SEMA6D: variants seen among roughly 807,000 people sequenced by gnomAD.
SEMA6D encodes the protein semaphorin-6D.
SEMA6D carries 35 observed loss-of-function variants against 106.6 expected under a neutral mutation model. The observed-to-expected ratio is 0.33, with a 90% CI of 0.25 to 0.44. The LOEUF is 0.44. SEMA6D is among the 20% of genes least tolerant of loss of function. The pLI, the probability that SEMA6D is intolerant of heterozygous loss-of-function variation, is 1.00. For missense variants in SEMA6D, 1,185 were observed against 1,345.9 expected, an observed-to-expected ratio of 0.88 and a Z score of 1.87; for synonymous variants, 499 against 487.7, an observed-to-expected ratio of 1.02 and a Z score of -0.31.
intron 1 of SEMA6D, among the ~76,000 whole-genome samples, chr15:47,733,233 C>T (rs1008819896): frequency 1.3e-5 from 2 of 152,106 alleles, no homozygotes; most frequent in African/African-American, 4.8e-5. Flanking sequence ...TGCAAACTAC[C>T]TAAGTGGAAC....
At chr15:47,267,911 A>G (rs2034395166) in intron 1 of SEMA6D, among the ~76,000 whole-genome samples, 1 of 152,194 alleles carries the variant, frequency 6.6e-6, no homozygotes, top group South Asian at 2.1e-4. Flanking sequence ...TTAAAGAAAC[A>G]TAACTGCATC....
At chr15:47,272,469 C>A (rs368616421) in intron 1 of SEMA6D, 1 of 152,196 alleles carries the variant, frequency 6.6e-6, no homozygotes, top group East Asian at 1.9e-4. Flanking sequence ...TACAACACTT[C>A]TCTACAGTCA....
intron 4 of SEMA6D, among the ~76,000 whole-genome samples, chr15:47,630,496 A>C (rs2077274577): frequency 6.6e-6 from 1 of 151,420 alleles, no homozygotes; most frequent in Non-Finnish European, 1.5e-5. Flanking sequence ...CTTTTTATAG[A>C]TTTTTTTTGA....
At chr15:47,754,964 T>G (rs1006323727) in intron 1 of SEMA6D, among the ~76,000 whole-genome samples, 3 of 151,416 alleles carry the variant, frequency 2.0e-5, no homozygotes, top group Non-Finnish European at 4.4e-5. Flanking sequence ...TTTTTTTTTT[T>G]TTTTTGAGAT....
At chr15:47,359,015 C>G (rs1033161860) in intron 1 of SEMA6D, among the ~76,000 whole-genome samples, 12 of 151,954 alleles carry the variant, frequency 7.9e-5, no homozygotes, top group African/African-American at 1.9e-4. Context: ...CATACTTGAT[C>G]TGCTGTACTA....
chr15:47,531,559 GTGA>G (rs1374549117), intron 3 of SEMA6D, among the ~76,000 whole-genome samples: 4 of 152,224 alleles, frequency 2.6e-5, no homozygotes, highest in African/African-American at 4.8e-5. Flanking sequence ...ATATGTATTT[GTGA>G]TGATCTCCTT....
intron 1 of SEMA6D, among the ~76,000 whole-genome samples, chr15:47,293,134 G>T (rs1238779668): frequency 6.6e-6 from 1 of 152,168 alleles, no homozygotes; most frequent in Non-Finnish European, 1.5e-5. Flanking sequence ...AGCCGAATTT[G>T]AGCATGTTGG....
intron 1 of SEMA6D, among the ~76,000 whole-genome samples, chr15:47,368,494 G>A (rs938072240): frequency 2.0e-4 from 30 of 151,780 alleles, no homozygotes; most frequent in Admixed American, 1.3e-3. Context: ...TTTTTGAGAC[G>A]GAGTCTCGCT....
chr15:47,303,488 A>G (rs2036104209), intron 1 of SEMA6D, among the ~76,000 whole-genome samples: 1 of 152,138 alleles, frequency 6.6e-6, no homozygotes, highest in African/African-American at 2.4e-5. Context: ...ACCTATTTAA[A>G]ATCATGCACC....
intron 3 of SEMA6D, among the ~76,000 whole-genome samples, chr15:47,552,902 A>ATATT (rs2045797071): frequency 1.2e-5 from 1 of 80,952 alleles, no homozygotes; most frequent in Non-Finnish European, 2.4e-5. Flanking sequence ...ATATATATAT[A>ATATT]TATAAATATA....
At chr15:47,560,805 C>CT (rs2046057410) in intron 3 of SEMA6D, among the ~76,000 whole-genome samples, 1 of 151,876 alleles carries the variant, frequency 6.6e-6, no homozygotes, top group Non-Finnish European at 1.5e-5. Flanking sequence ...AAAGGGGGAA[C>CT]TTTGGACACA....
chr15:47,590,608 A>G (rs180908568), intron 3 of SEMA6D, among the ~76,000 whole-genome samples: 1 of 152,312 alleles, frequency 6.6e-6, no homozygotes, highest in East Asian at 1.9e-4. Context: ...TCTAATATGA[A>G]GTCATAATGG....
intron 3 of SEMA6D, among the ~76,000 whole-genome samples, chr15:47,518,638 G>A (rs767723248): frequency 2.6e-5 from 4 of 152,100 alleles, no homozygotes; most frequent in Admixed American, 6.5e-5. Flanking sequence ...GCAAAAGTAC[G>A]ATCTAATGGA....
chr15:47,318,119 CT>C (rs2036762839), intron 1 of SEMA6D, among the ~76,000 whole-genome samples: 1 of 150,452 alleles, frequency 6.6e-6, no homozygotes, highest in Non-Finnish European at 1.5e-5. Flanking sequence ...GCCCCTTCCC[CT>C]GACCCACATA....
upstream of SEMA6D, among the ~76,000 whole-genome samples, chr15:47,713,480 G>T (rs1407644979): frequency 6.6e-6 from 1 of 152,122 alleles, no homozygotes; most frequent in South Asian, 2.1e-4. Context: ...TGCAGATGCC[G>T]AGATTTGGGT....
chr15:47,261,572 G>T (rs918445994), intron 1 of SEMA6D, among the ~76,000 whole-genome samples: 5 of 152,000 alleles, frequency 3.3e-5, no homozygotes, highest in Non-Finnish European at 7.4e-5. Flanking sequence ...AATTTTAAGT[G>T]TATTGACAAA....
chr15:47,523,373 T>C (rs990602763), intron 3 of SEMA6D, among the ~76,000 whole-genome samples: 11 of 151,930 alleles, frequency 7.2e-5, no homozygotes, highest in Admixed American at 3.3e-4. Flanking sequence ...GGCTTCCCAA[T>C]GGAAGCCAAG....
At chr15:47,500,013 A>G (rs1285863214) in intron 3 of SEMA6D, among the ~76,000 whole-genome samples, 1 of 152,188 alleles carries the variant, frequency 6.6e-6, no homozygotes. Flanking sequence ...AAACACTCCC[A>G]TCTCTGCAGC....
intron 2 of SEMA6D, among the ~76,000 whole-genome samples, chr15:47,444,986 A>T (rs1369228843): frequency 6.6e-6 from 1 of 152,056 alleles, no homozygotes; most frequent in East Asian, 1.9e-4. Flanking sequence ...AGCTGGATGG[A>T]TGGGGAGCTG....
Sources: allele counts gnomAD v4.1 joint callset (sites outside exome capture counted in the v4.1 genomes callset), GRCh38; gene constraint gnomAD v4.1.1; transcripts MANE v1.5; gene names NCBI Gene and HGNC (gene_info 2026-07-23, HGNC 2026-07-21).